LMF1: variants seen among roughly 807,000 people sequenced by gnomAD.
The protein encoded by LMF1 is transmembrane protein 112.
Under a neutral mutation model 60.6 loss-of-function variants are expected in LMF1, and 68 were observed. The observed-to-expected ratio is 1.12, with a 90% CI of 0.92 to 1.37. LMF1 has a LOEUF of 1.37. Ranked by LOEUF, LMF1 falls within the 40% of genes most tolerant of loss-of-function variation. The pLI, the probability that LMF1 is intolerant of heterozygous loss-of-function variation, is 0.00. For missense variants in LMF1, 948 were observed against 767.2 expected (o/e 1.24, Z -2.78); for synonymous variants, 418 against 324.7 (o/e 1.29, Z -3.09).
intron 3 of LMF1, among the ~76,000 whole-genome samples, chr16:931,185 A>G (rs1363726207): frequency 6.6e-6 from 1 of 151,982 alleles, no homozygotes; most frequent in Non-Finnish European, 1.5e-5. Context: ...CACGGAGCAC[A>G]TGAGGTGCAG....
chr16:919,887 C>T (rs1001469681), intron 3 of LMF1, among the ~76,000 whole-genome samples: 27 of 152,104 alleles, frequency 1.8e-4, no homozygotes, highest in African/African-American at 6.3e-4. Context: ...CCCGGGACCC[C>T]CTTCCTCCGA....
At chr16:954,003 C>T (rs1425906844) in intron 2 of LMF1, among the ~76,000 whole-genome samples, 2 of 120,900 alleles carry the variant, frequency 1.7e-5, no homozygotes, top group South Asian at 2.7e-4. Context: ...AACCAGCCTC[C>T]TACACGTCCA....
intron 1 of LMF1, among the ~76,000 whole-genome samples, chr16:978,588 AG>A (rs1431365353): frequency 6.6e-6 from 1 of 152,122 alleles, no homozygotes; most frequent in Non-Finnish European, 1.5e-5. Context: ...CTCACGGCCC[AG>A]GGGACAGCCC....
intron 3 of LMF1, among the ~76,000 whole-genome samples, chr16:918,495 A>G (rs935029741): frequency 3.3e-5 from 5 of 152,252 alleles, no homozygotes; most frequent in Non-Finnish European, 7.3e-5. Flanking sequence ...ATTTCACCTA[A>G]GTCAGGCTGG....
At chr16:882,989 C>A (rs144952802) in intron 5 of LMF1, among the ~76,000 whole-genome samples, 1 of 134,704 alleles carries the variant, frequency 7.4e-6, no homozygotes, top group East Asian at 2.2e-4. Flanking sequence ...AAGAGCTGCC[C>A]GGCAGAGCCT....
At chr16:978,338 C>T (rs552915077) in intron 1 of LMF1, among the ~76,000 whole-genome samples, 8 of 137,928 alleles carry the variant, frequency 5.8e-5, no homozygotes, top group East Asian at 2.1e-4. Context: ...ACATTACATA[C>T]CATACAAACA....
rs904861237 is a variant in LMF1 at position 939,655 on chromosome 16, C to T, written c.504-5401G>A. Among the ~76,000 whole-genome samples, 13 of 152,348 alleles carry T rather than the reference C, an allele frequency of 8.5e-5. No individual in the cohort carries two copies. The East Asian group carries it at 2.5e-3, about 29-fold the overall frequency. On this transcript the variant is annotated intron_variant, in intron 2 of 10. Coordinates refer to ENST00000262301, the MANE Select transcript of LMF1 (RefSeq NM_022773.4). Reference sequence around the variant, plus strand: ...ACGCGGCCTCTGCCTCTGTCAGGAGCAGTACATGCTGACCAAAGCTGCTGT... The same window carrying T: ...ACGCGGCCTCTGCCTCTGTCAGGAGTAGTACATGCTGACCAAAGCTGCTGT...
At position 897,036 on chromosome 16, in the gene LMF1, A is replaced by T. The variant is rs141085845; in HGVS notation, c.664-3964T>A. Among the ~76,000 whole-genome samples, 579 of 151,630 alleles carry T rather than the reference A, an allele frequency of 3.8e-3. 3 individuals are homozygous for T. Among genetic ancestry groups the T allele is most frequent in the Non-Finnish European group, 4.7e-3 (320 of 67,944 alleles). ...GCACAGACAGGCCAATAAACGCACC[A>T]GACCCAAAGGGAGCCGGGGACCCAC... On this transcript the variant is annotated intron_variant, in intron 4 of 10. Coordinates refer to ENST00000262301, the MANE Select transcript of LMF1 (RefSeq NM_022773.4). This position sits in a 1 kb window ranked among gnomAD's most constrained non-coding sequence, Gnocchi z 4.3.
rs538736720 is a variant in LMF1 at position 893,884 on chromosome 16, G to A, written c.664-812C>T. ...GCGTCTCTCACACACTGGTGCATGGGAGGTGAAACTGCACAGATGTGGAAG... is the reference window on the plus strand; with the variant it reads ...GCGTCTCTCACACACTGGTGCATGGAAGGTGAAACTGCACAGATGTGGAAG... On this transcript the variant is annotated intron_variant, in intron 4 of 10. Coordinates refer to ENST00000262301, the MANE Select transcript of LMF1 (RefSeq NM_022773.4). 7.2e-5 allele frequency among the ~76,000 whole-genome samples: 11 copies of A among 152,226 alleles called. No homozygotes were observed. The East Asian group carries it at 1.5e-3, about 21-fold the overall frequency.
rs547653866 is a variant in LMF1 at position 947,124 on chromosome 16, C to T, written c.503+7233G>A. ...TTGAAAGGAGGACACGACCATGACC[C>T]GGCTGACAGAAGAGACGCCCAGGGT... On this transcript the variant is annotated intron_variant, in intron 2 of 10. Transcript: ENST00000262301. Among the ~76,000 whole-genome samples the T allele has an allele frequency of 5.2e-4, 79 of 152,344 alleles. 3 individuals carry two copies. The South Asian group carries it at 0.013, about 26-fold the overall frequency.
At chr16:948,305 G>A (rs1379627457) in intron 2 of LMF1, among the ~76,000 whole-genome samples, 18 of 151,480 alleles carry the variant, frequency 1.2e-4, no homozygotes, top group Non-Finnish European at 1.3e-4. Context: ...CAACGACAGA[G>A]TCAGCCAACG....
At chr16:930,771 G>A (rs1387072523) in intron 3 of LMF1, among the ~76,000 whole-genome samples, 1 of 152,224 alleles carries the variant, frequency 6.6e-6, no homozygotes, top group African/African-American at 2.4e-5. Flanking sequence ...GGCAGGGTTT[G>A]CTGCTGGTGA....
chr16:912,794 G>C (rs951677387), intron 3 of LMF1, among the ~76,000 whole-genome samples: 1 of 152,224 alleles, frequency 6.6e-6, no homozygotes, highest in Non-Finnish European at 1.5e-5. Context: ...TCTTTGCTTG[G>C]GTCTTGAGGA....
intron 1 of LMF1, chr16:977,083 A>G: frequency 2.2e-6 from 1 of 454,116 alleles, no homozygotes; most frequent in Non-Finnish European, 4.4e-6. Flanking sequence ...GAGGCCCAGA[A>G]AGCACTGCTC....
chr16:954,449 C>G lies in LMF1; in HGVS notation c.411G>C (p.Ser137=). 6.2e-7 allele frequency: 1 copy of G among 1,612,854 alleles called. No individual in the cohort carries two copies. Among genetic ancestry groups the G allele is most frequent in the South Asian group, 1.1e-5 (1 of 90,894 alleles). Residue 137 remains serine, a synonymous_variant, in exon 2 of 11, where the codon TCG becomes TCC. Coordinates refer to ENST00000262301, the MANE Select transcript of LMF1 (RefSeq NM_022773.4). ...DLLALLGLGI[S]SFVLITGCAN... ...CGCAGCCCGTGATCAGTACGAAAGA[C>G]GAGATGCCCAGTCCGAGAAGAGCCA... is the stretch of plus-strand genomic sequence containing the variant.
Position 956,800 on chromosome 16 carries a change from C to T in LMF1, c.194-2134G>A, listed in dbSNP as rs536970530. Among the ~76,000 whole-genome samples, 109 of 145,238 alleles carry T rather than the reference C, an allele frequency of 7.5e-4. 1 individual carries two copies. The highest frequency in any genetic ancestry group is 9.9e-4 in the Admixed American group (14 of 14,190). Reference sequence around the variant, plus strand: ...TGGAGGGTGCAGTGAGCCAAGATTGCGCCACTGCACTCCAGCCTGGACGAC... The same window carrying T: ...TGGAGGGTGCAGTGAGCCAAGATTGTGCCACTGCACTCCAGCCTGGACGAC... On this transcript the variant is annotated intron_variant, in intron 1 of 10. Transcript: ENST00000262301.
At chr16:977,812 CAACA>C (rs1291011866) in intron 1 of LMF1, among the ~76,000 whole-genome samples, 8 of 151,874 alleles carry the variant, frequency 5.3e-5, no homozygotes, top group Admixed American at 3.9e-4. Context: ...GCCCTGGGCC[CAACA>C]CACACCACAC....
chr16:912,455 G>A (rs907311753), intron 3 of LMF1, among the ~76,000 whole-genome samples: 1 of 152,210 alleles, frequency 6.6e-6, no homozygotes, highest in Non-Finnish European at 1.5e-5. Flanking sequence ...CAGCAGCACT[G>A]GACTGTAACC....
At chr16:895,069 G>A (rs2070624729) in intron 4 of LMF1, among the ~76,000 whole-genome samples, 1 of 152,186 alleles carries the variant, frequency 6.6e-6, no homozygotes, top group African/African-American at 2.4e-5. Flanking sequence ...GGGAGGCCCA[G>A]GAGCCCCTGG....
Sources: allele counts gnomAD v4.1 joint callset (sites outside exome capture counted in the v4.1 genomes callset), GRCh38; gene constraint gnomAD v4.1.1; non-coding constraint Gnocchi (gnomAD v3.1); transcripts MANE v1.5; gene names NCBI Gene and HGNC (gene_info 2026-07-23, HGNC 2026-07-21).